The following CABP1 variants were observed in gnomAD, a reference collection of about 807,000 sequenced individuals.
The protein encoded by CABP1 is calcium binding protein 1, also known as calcium-binding protein 1.
A neutral mutation model predicts 34.3 loss-of-function variants in CABP1; 17 were observed. The ratio of observed to expected loss-of-function variants is 0.50; its 90% CI spans 0.34 to 0.74. CABP1 has a LOEUF of 0.74. Ranked by LOEUF, CABP1 falls within the 30% of genes least tolerant of loss-of-function variation. The pLI is 0.01. For synonymous variants in CABP1, 198 were observed against 229.2 expected, an observed-to-expected ratio of 0.86 and a Z score of 1.23; for missense variants, 373 against 511.1, an observed-to-expected ratio of 0.73 and a Z score of 2.61.
chr12:120,656,270 C>A (rs1224153424), intron 1 of CABP1: 6 of 1,548,456 alleles, frequency 3.9e-6, no homozygotes, highest in Non-Finnish European at 5.2e-6. Context: ...GAACAGGCAG[C>A]CTGTACGTAA....
intron 1 of CABP1, chr12:120,655,892 G>A (rs1027812981): frequency 5.4e-5 from 83 of 1,536,076 alleles, no homozygotes; most frequent in Middle Eastern, 3.3e-4. Flanking sequence ...AGCTCTCCCC[G>A]GAACCACCAT....
chr12:120,677,603 C>T, the CABP1 span, among the ~76,000 whole-genome samples: 2 of 151,690 alleles, frequency 1.3e-5, no homozygotes, highest in East Asian at 3.9e-4. Context: ...GGGGGTGTCT[C>T]ACGATGTTGC....
intron 1 of CABP1, among the ~76,000 whole-genome samples, chr12:120,652,019 A>T (rs1403415337): frequency 6.6e-6 from 1 of 152,212 alleles, no homozygotes; most frequent in Non-Finnish European, 1.5e-5. Flanking sequence ...CATGCTTAAG[A>T]GTCAGATTAC....
At chr12:120,644,071 T>G (rs1879448978) in intron 1 of CABP1, among the ~76,000 whole-genome samples, 1 of 152,116 alleles carries the variant, frequency 6.6e-6, no homozygotes. Context: ...GAGGCTAAGG[T>G]GTGGAATGGT....
intron 1 of CABP1, among the ~76,000 whole-genome samples, chr12:120,654,113 A>T (rs1880017751): frequency 6.6e-6 from 1 of 152,196 alleles, no homozygotes; most frequent in Non-Finnish European, 1.5e-5. Flanking sequence ...GCTCTGAATC[A>T]CAACTCTTTG....
intron 1 of CABP1, among the ~76,000 whole-genome samples, chr12:120,658,012 C>T (rs1880351987): frequency 6.6e-6 from 1 of 151,998 alleles, no homozygotes; most frequent in Non-Finnish European, 1.5e-5. Context: ...TTTTTGGTCA[C>T]CCAAAAACAT....
chr12:120,680,389 C>G, the CABP1 span, among the ~76,000 whole-genome samples: 1 of 152,152 alleles, frequency 6.6e-6, no homozygotes, highest in Non-Finnish European at 1.5e-5. Flanking sequence ...CTGTCTGACC[C>G]CCAAATCTTG....
downstream of CABP1, among the ~76,000 whole-genome samples, chr12:120,672,003 G>A (rs1447877187): frequency 6.6e-6 from 1 of 152,164 alleles, no homozygotes; most frequent in Admixed American, 6.6e-5. Flanking sequence ...AGGAGTTCGA[G>A]TCTGCAGTGA....
At chr12:120,653,798 G>A (rs551562542) in intron 1 of CABP1, among the ~76,000 whole-genome samples, 33 of 152,328 alleles carry the variant, frequency 2.2e-4, no homozygotes, top group African/African-American at 7.9e-4. Flanking sequence ...CTCCCAAAGT[G>A]CTGGGATGAC....
chr12:120,668,552 TA>T (rs1881128702), downstream of CABP1, among the ~76,000 whole-genome samples: 1 of 152,170 alleles, frequency 6.6e-6, no homozygotes, highest in East Asian at 1.9e-4. Flanking sequence ...CTGTGTGACT[TA>T]GGGCCAGTCG....
At chr12:120,658,646 T>G (rs1470451348) in intron 1 of CABP1, among the ~76,000 whole-genome samples, 2 of 152,166 alleles carry the variant, frequency 1.3e-5, no homozygotes, top group Non-Finnish European at 2.9e-5. Context: ...TTTTCTGGTG[T>G]TGTCGTCTTT....
the CABP1 span, among the ~76,000 whole-genome samples, chr12:120,675,121 C>G: frequency 3.2e-4 from 49 of 151,068 alleles, 1 homozygote; most frequent in South Asian, 9.4e-3. Flanking sequence ...GGTGTGATCT[C>G]GGCTCACTGC....
chr12:120,655,449 C>A, intron 1 of CABP1: 1 of 753,130 alleles, frequency 1.3e-6, no homozygotes, highest in Non-Finnish European at 1.7e-6. Flanking sequence ...AAGGAGGGGG[C>A]ATGTTTCCAC....
At chr12:120,666,162 C>A (rs1157468805) in intron 5 of CABP1, among the ~76,000 whole-genome samples, 1 of 145,652 alleles carries the variant, frequency 6.9e-6, no homozygotes, top group Non-Finnish European at 1.5e-5. Context: ...CATGCCACTG[C>A]ACTTCAGCGT....
intron 1 of CABP1, among the ~76,000 whole-genome samples, chr12:120,649,361 A>C (rs139189392): frequency 6.6e-6 from 1 of 152,144 alleles, no homozygotes; most frequent in South Asian, 2.1e-4. Flanking sequence ...CTTCCAGTCT[A>C]TCTCTGGTGC....
Position 120,641,672 on chromosome 12 carries a change from C to T in CABP1, c.654+333C>T. The T allele has an allele frequency of 8.6e-6, 2 of 232,194 alleles. No homozygotes were observed. The highest frequency in any genetic ancestry group is 8.1e-5 in the East Asian group (1 of 12,314). 14.4% of individuals were successfully genotyped at this position (232,194 alleles called of 1,614,324 possible). A position where few individuals can be genotyped will look rare whatever the true frequency, so the allele number is the denominator to read the frequency against. On this transcript the variant is annotated intron_variant, in intron 1 of 5. Transcript: ENST00000316803. The surrounding 1 kb of genome is among the most constrained non-coding windows in gnomAD (Gnocchi z 6.7). Reference sequence around the variant, plus strand: ...GGGGGTCAAGGAGGGGCGCTCCGAGCAGGTGGCGCCAAACCCACTCCTCTG... The same window carrying T: ...GGGGGTCAAGGAGGGGCGCTCCGAGTAGGTGGCGCCAAACCCACTCCTCTG...
chr12:120,672,159 C>G (rs192151717), downstream of CABP1, among the ~76,000 whole-genome samples: 5 of 152,064 alleles, frequency 3.3e-5, no homozygotes, highest in Non-Finnish European at 7.4e-5. Flanking sequence ...CTGAAGGGAT[C>G]AAATCTGAAT....
At chr12:120,676,206 C>G in the CABP1 span, among the ~76,000 whole-genome samples, 4 of 152,138 alleles carry the variant, frequency 2.6e-5, no homozygotes, top group Non-Finnish European at 5.9e-5. Context: ...AATTAGTTCC[C>G]CAGACATACC....
intron 1 of CABP1, among the ~76,000 whole-genome samples, chr12:120,648,254 TTG>T (rs1879640911): frequency 1.3e-5 from 2 of 152,190 alleles, no homozygotes; most frequent in Admixed American, 6.5e-5. Flanking sequence ...CCCAGAGTTT[TTG>T]TGTTTTCCCT....
Sources: gnomAD v4.1 joint callset for allele counts (sites outside exome capture counted in the v4.1 genomes callset) on GRCh38, gnomAD v4.1.1 for gene constraint, Gnocchi (gnomAD v3.1) non-coding constraint, MANE v1.5 for transcripts, NCBI Gene and HGNC (gene_info 2026-07-23, HGNC 2026-07-21) for gene names.